Variants in ZNF292 observed in about 807,000 individuals in gnomAD.
The protein encoded by ZNF292 is zinc finger protein 292.
In ZNF292, 26 loss-of-function variants were observed where a neutral mutation model predicts 217.9. The ratio of observed to expected loss-of-function variants is 0.12; its 90% CI spans 0.09 to 0.17. The LOEUF is 0.17. Among genes scored for constraint, ZNF292 ranks in the 10% least tolerant of loss-of-function variants. The pLI, the probability that ZNF292 is intolerant of heterozygous loss-of-function variation, is 1.00. For missense variants in ZNF292, 2,904 were observed against 3,175.2 expected, an observed-to-expected ratio of 0.91 and a Z score of 2.05; for synonymous variants, 1,257 against 1,124.1, an observed-to-expected ratio of 1.12 and a Z score of -2.37.
At chr6:87,164,040 GC>G (rs1313033440) in intron 1 of ZNF292, among the ~76,000 whole-genome samples, 2 of 152,082 alleles carry the variant, frequency 1.3e-5, no homozygotes, top group African/African-American at 4.8e-5. Flanking sequence ...CGCCCACCTC[GC>G]CCCGCCAAGT....
At position 87,158,216 on chromosome 6, in the gene ZNF292, T is replaced by C. The variant is rs1040034440; in HGVS notation, c.168+2457T>C. 2.0e-5 allele frequency among the ~76,000 whole-genome samples: 3 copies of C among 152,222 alleles called. No homozygotes were observed. In the East Asian group the frequency reaches 5.8e-4, roughly 29 times the overall value. Reference sequence around the variant, plus strand: ...TATTTCATACACTGTAAGCTCAGAATAATTTAAATACACTTAAAAGTAATC... The same window carrying C: ...TATTTCATACACTGTAAGCTCAGAACAATTTAAATACACTTAAAAGTAATC... On this transcript the variant is annotated intron_variant, in intron 1 of 7. Transcript: ENST00000369577.
chr6:87,209,104 A>ACCCCCCCCCCCCCCCCCCC (rs5878022), intron 1 of ZNF292, among the ~76,000 whole-genome samples: 1 of 137,306 alleles, frequency 7.3e-6, no homozygotes, highest in African/African-American at 3.0e-5. Context: ...CCCCACTTTC[A>ACCCCCCCCCCCCCCCCCCC]CCCCCCCCTC....
intron 1 of ZNF292, among the ~76,000 whole-genome samples, chr6:87,173,208 C>A (rs200029318): frequency 1.3e-5 from 2 of 150,950 alleles, no homozygotes; most frequent in African/African-American, 2.4e-5. Context: ...AATTTTGGCA[C>A]AAAAAAAAAT....
chr6:87,184,572 T>A (rs1003594529), intron 1 of ZNF292, among the ~76,000 whole-genome samples: 4 of 150,396 alleles, frequency 2.7e-5, no homozygotes, highest in African/African-American at 9.9e-5. Flanking sequence ...CAATACTAGG[T>A]CTGTATTAGG....
chr6:87,209,638 T>G (rs1181755550), intron 1 of ZNF292, among the ~76,000 whole-genome samples: 1 of 152,226 alleles, frequency 6.6e-6, no homozygotes, highest in East Asian at 1.9e-4. Flanking sequence ...CTCTTTTCTC[T>G]TGTCAGGCAT....
In ZNF292 at chr6:87,155,772, G is replaced by A; in HGVS notation, c.168+13G>A. 1.9e-6 allele frequency: 3 copies of A among 1,581,408 alleles called. No individual in the cohort carries two copies. Among genetic ancestry groups the A allele is most frequent in the Non-Finnish European group, 2.6e-6 (3 of 1,164,074 alleles). ...GCAGCTGTGCCAGGTGAGGGCGCCC[G>A]GTGGTCCCCTCCCCCTTTCCCCAGC... On this transcript the variant is annotated intron_variant, in intron 1 of 7. Transcript: ENST00000369577.
chr6:87,207,841 A>G (rs1037082910), intron 1 of ZNF292, among the ~76,000 whole-genome samples: 4 of 152,100 alleles, frequency 2.6e-5, no homozygotes, highest in Non-Finnish European at 5.9e-5. Context: ...ATATGCTATA[A>G]TTATTTTCCA....
chr6:87,260,422 C>T lies in ZNF292; in HGVS notation c.6793C>T (p.Arg2265Cys), dbSNP rs761299959. Reference protein sequence around the residue: ...VYKCDCEGCDRIYATRSNLLR... With the variant: ...VYKCDCEGCDCIYATRSNLLR... Reference sequence around the variant, plus strand: ...CAAATGTGATTGTGAAGGCTGTGACCGTATATATGCAACCCGGTCGAATCT... The same window carrying T: ...CAAATGTGATTGTGAAGGCTGTGACTGTATATATGCAACCCGGTCGAATCT... Residue 2265 changes from arginine to cysteine, a missense_variant, in exon 8 of 8, where the codon CGT becomes TGT. Arg to Cys is a radical substitution (Grantham distance 180). Coordinates refer to ENST00000369577, the MANE Select transcript of ZNF292 (RefSeq NM_015021.3). 1.9e-6 allele frequency: 3 copies of T among 1,613,448 alleles called. No homozygotes were observed. Among genetic ancestry groups the T allele is most frequent in the Admixed American group, 1.7e-5 (1 of 59,946 alleles).
chr6:87,259,461 T>C lies in ZNF292; in HGVS notation c.5832T>C (p.Phe1944=). Residue 1944 remains phenylalanine (F), a synonymous_variant, in exon 8 of 8, where the codon TTT becomes TTC. Transcript: ENST00000369577. ...ILEIKKNQLK[F]APFKCVVPTC... ...AAATTAAGAAGAATCAATTGAAATT[T>C]GCTCCCTTTAAATGTGTAGTACCTA... 1.3e-6 allele frequency: 2 copies of C among 1,589,522 alleles called. No homozygotes were observed. Among genetic ancestry groups the C allele is most frequent in the Non-Finnish European group, 1.7e-6 (2 of 1,166,562 alleles).
intron 1 of ZNF292, among the ~76,000 whole-genome samples, chr6:87,198,440 G>A (rs986704276): frequency 5.3e-5 from 8 of 152,118 alleles, no homozygotes; most frequent in African/African-American, 1.4e-4. Context: ...TCCTCACCTC[G>A]TGATCCGCCC....
chr6:87,256,276 C>T lies in ZNF292; in HGVS notation c.2647C>T (p.Leu883=), dbSNP rs1224728367. The change falls in exon 8 of 8, where the codon CTA becomes TTA. Residue 883 remains leucine, a synonymous_variant. Coordinates refer to ENST00000369577, the MANE Select transcript of ZNF292 (RefSeq NM_015021.3). The part of the protein sequence containing the change: ...PSENNIENSL[L]ADRSDAWDKS... ...AGAAAATAACATTGAAAACAGCTTACTAGCAGATAGAAGTGATGCTTGGGA... is the reference window on the plus strand; with the variant it reads ...AGAAAATAACATTGAAAACAGCTTATTAGCAGATAGAAGTGATGCTTGGGA... 8 of 1,613,726 alleles carry T rather than the reference C, an allele frequency of 5.0e-6. 1 individual carries two copies. In the African/African-American group the frequency reaches 8.0e-5, roughly 16 times the overall value.
chr6:87,214,418 C>T (rs1313916061), intron 1 of ZNF292, among the ~76,000 whole-genome samples: 1 of 152,068 alleles, frequency 6.6e-6, no homozygotes, highest in Admixed American at 6.6e-5. Flanking sequence ...TATTTTGTAC[C>T]ATGAAGGTTT....
intron 1 of ZNF292, among the ~76,000 whole-genome samples, chr6:87,168,264 TA>T (rs1266444377): frequency 6.6e-6 from 1 of 152,244 alleles, no homozygotes; most frequent in Non-Finnish European, 1.5e-5. Flanking sequence ...TACTACTATG[TA>T]ATACTTGCTC....
At position 87,250,753 on chromosome 6, in the gene ZNF292, G is replaced by A. The variant is rs116358295; in HGVS notation, c.1021-3897G>A. The stretch of plus-strand genomic sequence containing the variant: ...ATGTCTTAAATCCTAATTGAGATCT[G>A]CAAAGGAATTGGAGCAGATGGCTTG... On this transcript the variant is annotated intron_variant, in intron 7 of 7. Transcript: ENST00000369577. Among the ~76,000 whole-genome samples, 551 of 152,310 alleles carry A rather than the reference G, an allele frequency of 3.6e-3. 2 individuals carry two copies. Among genetic ancestry groups the A allele is most frequent in the African/African-American group, 0.013 (530 of 41,566 alleles).
intron 7 of ZNF292, chr6:87,249,266 A>G: frequency 4.4e-6 from 1 of 229,274 alleles, no homozygotes. Flanking sequence ...AGCTGGGACT[A>G]CAGGTGTGTA....
At position 87,207,417 on chromosome 6, in the gene ZNF292, G is replaced by C. The variant is rs969118463; in HGVS notation, c.169-8486G>C. Among the ~76,000 whole-genome samples the C allele has an allele frequency of 4.5e-4, 68 of 152,212 alleles. 1 individual carries two copies. Among genetic ancestry groups the C allele is most frequent in the African/African-American group, 1.6e-3 (67 of 41,524 alleles). On this transcript the variant is annotated intron_variant, in intron 1 of 7. Coordinates refer to ENST00000369577, the MANE Select transcript of ZNF292 (RefSeq NM_015021.3). ...TTCTATTATGGTTTCTTTTACCCCT[G>C]ACTGAGAAGTACAGTTTAAAATTTC...
At chr6:87,210,767 A>C (rs182703655) in intron 1 of ZNF292, among the ~76,000 whole-genome samples, 15 of 152,110 alleles carry the variant, frequency 9.9e-5, no homozygotes, top group Non-Finnish European at 1.9e-4. Flanking sequence ...GGAACAGAAC[A>C]AGACTCTGTC....
In ZNF292 at chr6:87,183,734, T is replaced by C. The variant is rs191363877; in HGVS notation, c.168+27975T>C. Reference sequence around the variant, plus strand: ...GATACACTAAGGATAGTCACATGGGTATAACAGTTATAAGCAGATAAGCCA... The same window carrying C: ...GATACACTAAGGATAGTCACATGGGCATAACAGTTATAAGCAGATAAGCCA... On this transcript the variant is annotated intron_variant, in intron 1 of 7. Coordinates refer to ENST00000369577, the MANE Select transcript of ZNF292 (RefSeq NM_015021.3). Among the ~76,000 whole-genome samples, 8 of 152,312 alleles carry C rather than the reference T, an allele frequency of 5.3e-5. No homozygotes were observed. In the East Asian group the frequency reaches 1.5e-3, roughly 29 times the overall value.
intron 5 of ZNF292, among the ~76,000 whole-genome samples, chr6:87,238,615 GTT>G (rs71763831): frequency 0.1 from 14,117 of 137,936 alleles, 706 homozygotes; most frequent in East Asian, 0.14. Flanking sequence ...TATTTTTTTG[GTT>G]TTTTTTTTTC....
Sources: gnomAD v4.1 joint callset for allele counts (sites outside exome capture counted in the v4.1 genomes callset) on GRCh38, gnomAD v4.1.1 for gene constraint, MANE v1.5 for transcripts, NCBI Gene and HGNC (gene_info 2026-07-23, HGNC 2026-07-21) for gene names.